The following ZNF81 variants were observed in gnomAD, a reference collection of about 807,000 sequenced individuals.
ZNF81 encodes the protein zinc finger protein 81.
ZNF81 carries 5 observed loss-of-function variants against 32.3 expected under a neutral mutation model. The observed-to-expected ratio is 0.15, with a 90% CI of 0.08 to 0.33. The LOEUF is 0.33. Among genes scored for constraint, ZNF81 ranks in the 10% least tolerant of loss-of-function variants. The pLI is 1.00. For missense variants in ZNF81, 379 were observed against 479.8 expected (o/e 0.79, Z 1.96); for synonymous variants, 163 against 166.8 (o/e 0.98, Z 0.17).
In ZNF81 at chrX:47,848,162, G is replaced by A. The variant is rs138158762; in HGVS notation, c.54+1841G>A. On this transcript the variant is annotated intron_variant, in intron 2 of 4. Coordinates refer to ENST00000338637, the MANE Select transcript of ZNF81 (RefSeq NM_007137.5). ...GATCTCCTGACCTCGTGATCTGCCCGCCTCGGCCTCCCAAAGTGCTGGAAT... is the reference window on the plus strand; with the variant it reads ...GATCTCCTGACCTCGTGATCTGCCCACCTCGGCCTCCCAAAGTGCTGGAAT... Among the ~76,000 whole-genome samples the A allele has an allele frequency of 0.014, 1,546 of 111,232 alleles. 78 individuals are homozygous for A. The East Asian group carries it at 0.16, about 12-fold the overall frequency.
chrX:47,875,374 A>G (rs1291874304), intron 2 of ZNF81, among the ~76,000 whole-genome samples: 2 of 112,359 alleles, frequency 1.8e-5, no homozygotes, highest in African/African-American at 3.2e-5. Context: ...AGGTCACACT[A>G]TAAGACTGGA....
At chrX:47,877,407 G>A (rs190343872) in intron 2 of ZNF81, among the ~76,000 whole-genome samples, 154 of 111,926 alleles carry the variant, frequency 1.4e-3, no homozygotes, top group Non-Finnish European at 1.7e-3. Context: ...GGTAGAAGGG[G>A]ACAGAGGGAC....
At chrX:47,889,551 G>T (rs782540534) in intron 3 of ZNF81, among the ~76,000 whole-genome samples, 2 of 112,117 alleles carry the variant, frequency 1.8e-5, no homozygotes, top group Non-Finnish European at 3.8e-5. Context: ...CAAGGTTGCA[G>T]GGTTATCATG....
At chrX:47,870,206 G>C (rs1233489699) in intron 2 of ZNF81, among the ~76,000 whole-genome samples, 1 of 111,946 alleles carries the variant, frequency 8.9e-6, no homozygotes, top group Admixed American at 9.5e-5. Flanking sequence ...TCTAAATATT[G>C]AATATGATTA....
At position 47,845,978 on chromosome X, in the gene ZNF81, A is replaced by G. The variant is rs1180259819; in HGVS notation, c.-163-127A>G. The G allele has an allele frequency of 1.3e-5, 5 of 372,067 alleles. No individual in the cohort carries two copies. In the East Asian group the frequency reaches 2.5e-4, roughly 19 times the overall value. The allele number at this position is 372,067 out of a possible 1,213,427, so 30.7% of individuals were successfully genotyped here. Reference sequence around the variant, plus strand: ...TATTCTATTTTAATTGATAAGCAGAATATGTGTTTCTTGGACTTTATCTAC... The same window carrying G: ...TATTCTATTTTAATTGATAAGCAGAGTATGTGTTTCTTGGACTTTATCTAC... On this transcript the variant is annotated intron_variant, in intron 1 of 4. Coordinates refer to ENST00000338637, the MANE Select transcript of ZNF81 (RefSeq NM_007137.5).
chrX:47,862,324 G>C (rs1556882660), intron 2 of ZNF81, among the ~76,000 whole-genome samples: 3 of 109,628 alleles, frequency 2.7e-5, no homozygotes, highest in African/African-American at 1.0e-4. Context: ...TTCGAGACCA[G>C]CCTGGCCAAC....
At chrX:47,849,320 T>C (rs1165176027) in intron 2 of ZNF81, among the ~76,000 whole-genome samples, 1 of 111,667 alleles carries the variant, frequency 9.0e-6, no homozygotes, top group Non-Finnish European at 1.9e-5. Context: ...CCACAATCCC[T>C]CTACTCCCAG....
intron 2 of ZNF81, among the ~76,000 whole-genome samples, chrX:47,879,353 A>G (rs974364719): frequency 9.0e-6 from 1 of 111,523 alleles, no homozygotes; most frequent in Non-Finnish European, 1.9e-5. Flanking sequence ...AAGAACTGTG[A>G]AGAGTCTGAG....
chrX:47,889,853 AACTC>A (rs1242673036), intron 3 of ZNF81, among the ~76,000 whole-genome samples: 1 of 109,985 alleles, frequency 9.1e-6, no homozygotes, highest in Non-Finnish European at 1.9e-5. Context: ...ATCTCACGAG[AACTC>A]ACTCACTTTC....
intron 2 of ZNF81, among the ~76,000 whole-genome samples, chrX:47,881,646 AT>A (rs1239802629): frequency 9.0e-6 from 1 of 111,353 alleles, no homozygotes; most frequent in African/African-American, 3.3e-5. Context: ...TTTTCAATTA[AT>A]TTTTTTCCCC....
intron 2 of ZNF81, among the ~76,000 whole-genome samples, chrX:47,854,087 C>G (rs1461940685): frequency 8.9e-6 from 1 of 112,803 alleles, no homozygotes; most frequent in Non-Finnish European, 1.9e-5. Context: ...TTGCTGCATA[C>G]AGCTTCTATG....
chrX:47,892,151 C>T (rs1556886549), intron 3 of ZNF81, among the ~76,000 whole-genome samples: 1 of 111,978 alleles, frequency 8.9e-6, no homozygotes, highest in African/African-American at 3.3e-5. Flanking sequence ...CTAGCCAGTG[C>T]CATAGGTCTC....
rs2058478255 is a variant in ZNF81, at chrX:47,848,054, A to G, written c.54+1733A>G. On this transcript the variant is annotated intron_variant, in intron 2 of 4. Transcript: ENST00000338637. ...CTCAGCCTCCCGACTAGCTGGGACT[A>G]CAGGCACCCGCCACCACACCAGGCT... Among the ~76,000 whole-genome samples, 5 of 110,393 alleles carry G rather than the reference A, an allele frequency of 4.5e-5. No homozygotes were observed. In the South Asian group the frequency reaches 1.9e-3, roughly 43 times the overall value.
intron 4 of ZNF81, among the ~76,000 whole-genome samples, chrX:47,910,007 G>A (rs781953973): frequency 0.01 from 1,161 of 110,941 alleles, 11 homozygotes; most frequent in Non-Finnish European, 0.013. Flanking sequence ...CCAGTCTATC[G>A]TTGTTGGACA....
chrX:47,891,643 G>A (rs1486069546), intron 3 of ZNF81, among the ~76,000 whole-genome samples: 1 of 111,637 alleles, frequency 9.0e-6, no homozygotes, highest in African/African-American at 3.3e-5. Flanking sequence ...CCACAGGACA[G>A]GTTCAGGGAC....
At chrX:47,886,893 T>A (rs918693726) in intron 2 of ZNF81, among the ~76,000 whole-genome samples, 1 of 112,009 alleles carries the variant, frequency 8.9e-6, no homozygotes, top group Non-Finnish European at 1.9e-5. Flanking sequence ...AGATAGTTTT[T>A]AAAATATTTT....
At chrX:47,841,330 G>A (rs2058448325) in intron 1 of ZNF81, 1 of 637,752 alleles carries the variant, frequency 1.6e-6, no homozygotes, top group Admixed American at 2.2e-5. Flanking sequence ...TAGGTTCTGG[G>A]AGGTAACTTT....
At chrX:47,850,889 G>GCACA (rs1201846775) in intron 2 of ZNF81, among the ~76,000 whole-genome samples, 49 of 27,013 alleles carry the variant, frequency 1.8e-3, no homozygotes, top group African/African-American at 3.2e-3. Flanking sequence ...ACAGGCACGC[G>GCACA]CGCACACACA....
chrX:47,901,523 A>C (rs782422938), intron 4 of ZNF81, among the ~76,000 whole-genome samples: 72 of 111,724 alleles, frequency 6.4e-4, no homozygotes, highest in African/African-American at 2.2e-3. Flanking sequence ...ACATGAATTG[A>C]TGTTGAATTT....
Sources: gnomAD v4.1 joint callset for allele counts (sites outside exome capture counted in the v4.1 genomes callset) on GRCh38, gnomAD v4.1.1 for gene constraint, MANE v1.5 for transcripts, NCBI Gene and HGNC (gene_info 2026-07-23, HGNC 2026-07-21) for gene names.